The following CTNNA3 variants were observed in gnomAD, a reference collection of about 807,000 sequenced individuals.
CTNNA3 encodes catenin alpha-3.
In CTNNA3, 76 loss-of-function variants were observed where a neutral mutation model predicts 95.7. The observed-to-expected ratio is 0.79, with a 90% CI of 0.66 to 0.96. The LOEUF (loss-of-function observed/expected upper bound fraction) is 0.96. CTNNA3 is among the 40% of genes least tolerant of loss of function. The pLI is 0.00. For missense variants in CTNNA3, 1,191 were observed against 1,089.8 expected (o/e 1.09, Z -1.31); for synonymous variants, 431 against 374.4 (o/e 1.15, Z -1.74).
chr10:66,899,987 G>C (rs1261565222), intron 7 of CTNNA3, among the ~76,000 whole-genome samples: 1 of 152,154 alleles, frequency 6.6e-6, no homozygotes, highest in Non-Finnish European at 1.5e-5. Flanking sequence ...CAGCTCTGAA[G>C]AGAGCAGGGG....
At chr10:66,629,574 A>G (rs968877586) in intron 9 of CTNNA3, among the ~76,000 whole-genome samples, 2 of 152,074 alleles carry the variant, frequency 1.3e-5, no homozygotes, top group Non-Finnish European at 2.9e-5. Flanking sequence ...TTCTTTCTCT[A>G]CAATATGTTC....
intron 11 of CTNNA3, among the ~76,000 whole-genome samples, chr10:66,517,648 A>T (rs1319745380): frequency 6.6e-6 from 1 of 152,136 alleles, no homozygotes; most frequent in African/African-American, 2.4e-5. Flanking sequence ...GGCAACCAGC[A>T]GTTCTCAGGG....
chr10:66,619,889 A>C (rs1473842110), intron 10 of CTNNA3, among the ~76,000 whole-genome samples: 2 of 152,098 alleles, frequency 1.3e-5, no homozygotes, highest in Non-Finnish European at 2.9e-5. Flanking sequence ...ATACAAATAT[A>C]TATTAGACAA....
intron 17 of CTNNA3, 83 bp from the exon 18 acceptor site, chr10:65,920,700 C>T (rs1589129946): frequency 8.3e-6 from 12 of 1,441,166 alleles, no homozygotes; most frequent in South Asian, 7.9e-5. Flanking sequence ...GTGGCATGTG[C>T]CCGTTGCCCC....
At chr10:66,068,530 A>G (rs2080362399) in intron 15 of CTNNA3, among the ~76,000 whole-genome samples, 1 of 152,128 alleles carries the variant, frequency 6.6e-6, no homozygotes, top group African/African-American at 2.4e-5. Flanking sequence ...CTCCACCTGA[A>G]AGTTATTTTG....
At chr10:66,475,449 A>G (rs1307431650) in intron 11 of CTNNA3, among the ~76,000 whole-genome samples, 1 of 151,998 alleles carries the variant, frequency 6.6e-6, no homozygotes, top group Non-Finnish European at 1.5e-5. Context: ...ATTTTTTCCC[A>G]TTCTGTAGGT....
chr10:66,731,932 T>C (rs1426177762), intron 9 of CTNNA3, among the ~76,000 whole-genome samples: 1 of 152,194 alleles, frequency 6.6e-6, no homozygotes, highest in African/African-American at 2.4e-5. Context: ...TAACAGTTTT[T>C]GGTAAAAAAG....
At chr10:67,198,675 G>T (rs190468805) in intron 6 of CTNNA3, among the ~76,000 whole-genome samples, 172 of 152,192 alleles carry the variant, frequency 1.1e-3, no homozygotes, top group Non-Finnish European at 2.1e-3. Flanking sequence ...ATAGGGTGTC[G>T]ATGCAAGACT....
chr10:67,750,990 G>A, intron 1 of CTNNA3: 2 of 1,591,160 alleles, frequency 1.3e-6, no homozygotes, highest in Non-Finnish European at 1.7e-6. Flanking sequence ...AGATTAAGGA[G>A]ATTGCTGCAA....
chr10:66,127,752 A>G (rs1390248666), intron 13 of CTNNA3, among the ~76,000 whole-genome samples: 1 of 152,206 alleles, frequency 6.6e-6, no homozygotes, highest in African/African-American at 2.4e-5. Context: ...TAATAAGGGT[A>G]TAAGCCATAT....
intron 5 of CTNNA3, among the ~76,000 whole-genome samples, chr10:67,287,715 T>A (rs1255051187): frequency 1.3e-5 from 2 of 152,158 alleles, no homozygotes; most frequent in East Asian, 3.9e-4. Flanking sequence ...CTTGGTCCAG[T>A]CTAAACTTGG....
At chr10:65,977,014 C>T (rs1198380287) in intron 16 of CTNNA3, among the ~76,000 whole-genome samples, 1 of 152,086 alleles carries the variant, frequency 6.6e-6, no homozygotes, top group African/African-American at 2.4e-5. Context: ...AAACATCGAA[C>T]AATGCTTTTC....
rs557863951 is a variant in CTNNA3, at chr10:66,556,832, T to C, written c.1375-36059A>G. ...ATGATGACTATAATTAATAATACTC[T>C]TTTATACCAAAAATTTCTGAGAGAA... is the stretch of plus-strand genomic sequence containing the variant. On this transcript the variant is annotated intron_variant, in intron 10 of 17. Coordinates refer to ENST00000433211, the MANE Select transcript of CTNNA3 (RefSeq NM_013266.4). 3.3e-5 allele frequency among the ~76,000 whole-genome samples: 5 copies of C among 152,172 alleles called. No individual in the cohort carries two copies. In the East Asian group the frequency reaches 7.7e-4, roughly 23 times the overall value.
chr10:66,964,296 A>G (rs1849282766), intron 7 of CTNNA3, among the ~76,000 whole-genome samples: 1 of 146,978 alleles, frequency 6.8e-6, no homozygotes, highest in Non-Finnish European at 1.5e-5. Flanking sequence ...TTTTTTCCGC[A>G]TTTCAATCTA....
intron 7 of CTNNA3, among the ~76,000 whole-genome samples, chr10:66,982,738 G>A (rs906610440): frequency 3.9e-5 from 6 of 152,148 alleles, no homozygotes; most frequent in Non-Finnish European, 5.9e-5. Flanking sequence ...AAGAATAAAA[G>A]GTGAGAGAAA....
intron 12 of CTNNA3, among the ~76,000 whole-genome samples, chr10:66,362,644 C>T (rs1168210932): frequency 1.3e-5 from 2 of 151,288 alleles, no homozygotes; most frequent in Non-Finnish European, 2.9e-5. Context: ...ACCTGGGAGA[C>T]AAAGGTTGCA....
At chr10:65,943,102 G>T (rs1291001963) in intron 17 of CTNNA3, among the ~76,000 whole-genome samples, 4 of 145,592 alleles carry the variant, frequency 2.7e-5, no homozygotes, top group Non-Finnish European at 3.0e-5. Context: ...CTCGCTCTGT[G>T]GCCCAGGCTG....
chr10:66,418,626 C>A (rs72808706), intron 11 of CTNNA3, among the ~76,000 whole-genome samples: 57,427 of 150,420 alleles, frequency 0.38, 11,497 homozygotes, highest in African/African-American at 0.5. Flanking sequence ...ACACAAAAAA[C>A]CCCAACAAAG....
At chr10:66,444,071 T>C (rs567476242) in intron 11 of CTNNA3, among the ~76,000 whole-genome samples, 52 of 152,166 alleles carry the variant, frequency 3.4e-4, no homozygotes, top group Admixed American at 3.3e-3. Context: ...AGAAAGGGTA[T>C]CAGTGATGCA....
Sources: gnomAD v4.1 joint callset for allele counts (sites outside exome capture counted in the v4.1 genomes callset) on GRCh38, gnomAD v4.1.1 for gene constraint, MANE v1.5 for transcripts, NCBI Gene and HGNC (gene_info 2026-07-23, HGNC 2026-07-21) for gene names.